ATRNL1: variants seen among roughly 807,000 people sequenced by gnomAD.
ATRNL1 encodes the protein attractin-like protein 1.
In ATRNL1, 95 loss-of-function variants were observed where a neutral mutation model predicts 182.7. That is an observed-to-expected ratio of 0.52 (90% CI 0.44 to 0.62). The LOEUF (loss-of-function observed/expected upper bound fraction) is 0.62. ATRNL1 is among the 20% of genes least tolerant of loss of function. The pLI is 0.00. For missense variants in ATRNL1, 1,471 were observed against 1,679.5 expected, an observed-to-expected ratio of 0.88 and a Z score of 2.17; for synonymous variants, 576 against 568.3, an observed-to-expected ratio of 1.01 and a Z score of -0.19.
intron 27 of ATRNL1, among the ~76,000 whole-genome samples, chr10:115,791,478 T>A (rs1358383964): frequency 6.6e-6 from 1 of 152,188 alleles, no homozygotes; most frequent in African/African-American, 2.4e-5. Context: ...AACCACTGTT[T>A]CAACTTTTAT....
intron 27 of ATRNL1, among the ~76,000 whole-genome samples, chr10:115,765,253 C>T (rs1948829193): frequency 6.6e-6 from 1 of 152,148 alleles, no homozygotes; most frequent in Admixed American, 6.5e-5. Context: ...AACTGCCTTC[C>T]AAAATGACTT....
chr10:115,351,774 T>TTTTGTTTGA (rs1554941438), intron 19 of ATRNL1, among the ~76,000 whole-genome samples: 10 of 43,262 alleles, frequency 2.3e-4, no homozygotes, highest in African/African-American at 5.6e-4. Flanking sequence ...GTTTTGTTTG[T>TTTTGTTTGA]GTTTTTGTTT....
intron 19 of ATRNL1, among the ~76,000 whole-genome samples, chr10:115,384,853 CTTTT>C (rs566812367): frequency 2.1e-5 from 3 of 143,920 alleles, no homozygotes; most frequent in Non-Finnish European, 3.1e-5. Flanking sequence ...TTTAATTTCT[CTTTT>C]TTTTTTTGCT....
intron 22 of ATRNL1, among the ~76,000 whole-genome samples, chr10:115,463,085 A>T (rs544037864): frequency 2.6e-5 from 4 of 151,856 alleles, no homozygotes; most frequent in Non-Finnish European, 5.9e-5. Flanking sequence ...AATCCATATC[A>T]TATATTTAAT....
chr10:115,256,923 C>T (rs1309456852), intron 10 of ATRNL1, among the ~76,000 whole-genome samples: 2 of 152,102 alleles, frequency 1.3e-5, no homozygotes, highest in Non-Finnish European at 2.9e-5. Context: ...GTTCAGTTTC[C>T]ATATAGTTGT....
At chr10:115,516,149 G>A (rs1248962959) in intron 24 of ATRNL1, among the ~76,000 whole-genome samples, 4 of 151,648 alleles carry the variant, frequency 2.6e-5, no homozygotes, top group African/African-American at 9.7e-5. Flanking sequence ...CATTTAATAG[G>A]TATTTCACAT....
chr10:115,247,768 C>T (rs929504689), intron 10 of ATRNL1, among the ~76,000 whole-genome samples: 10 of 152,114 alleles, frequency 6.6e-5, no homozygotes, highest in African/African-American at 2.2e-4. Flanking sequence ...TATGGAACCA[C>T]CTAGGTTTCC....
chr10:115,527,579 A>G (rs1217579124), intron 25 of ATRNL1, among the ~76,000 whole-genome samples: 1 of 152,114 alleles, frequency 6.6e-6, no homozygotes, highest in Non-Finnish European at 1.5e-5. Context: ...AATTTGACTA[A>G]GTTTCAGTAA....
Position 115,625,059 on chromosome 10 carries a change from G to A in ATRNL1, c.3795+75523G>A, listed in dbSNP as rs142652031. Among the ~76,000 whole-genome samples the A allele has an allele frequency of 2.8e-4, 43 of 152,262 alleles. 1 individual carries two copies. The highest frequency in any genetic ancestry group is 9.4e-4 in the African/African-American group (39 of 41,568). On this transcript the variant is annotated intron_variant, in intron 26 of 28. Coordinates refer to ENST00000355044, the MANE Select transcript of ATRNL1 (RefSeq NM_207303.4). ...TGGAAGGGAGGTTGCGAAACAAGCAGTGTAGACTGGCAGAAACAAAAATTA... is the reference window on the plus strand; with the variant it reads ...TGGAAGGGAGGTTGCGAAACAAGCAATGTAGACTGGCAGAAACAAAAATTA...
intron 8 of ATRNL1, among the ~76,000 whole-genome samples, chr10:115,202,924 T>C (rs1209642863): frequency 6.6e-6 from 1 of 151,010 alleles, no homozygotes; most frequent in Non-Finnish European, 1.5e-5. Flanking sequence ...GTTATTGGTC[T>C]ATTCAGAGAT....
At chr10:115,591,064 G>A (rs531967901) in intron 26 of ATRNL1, among the ~76,000 whole-genome samples, 1 of 152,200 alleles carries the variant, frequency 6.6e-6, no homozygotes, top group Admixed American at 6.5e-5. Context: ...AAGGTTCTAG[G>A]TACCACTGTA....
intron 28 of ATRNL1, among the ~76,000 whole-genome samples, chr10:115,918,441 AG>A (rs1952945277): frequency 6.6e-6 from 1 of 152,220 alleles, no homozygotes; most frequent in African/African-American, 2.4e-5. Flanking sequence ...GTAGTTGTAC[AG>A]ATCTAGAAGT....
chr10:115,735,363 C>T (rs1947919006), intron 27 of ATRNL1, among the ~76,000 whole-genome samples: 1 of 152,104 alleles, frequency 6.6e-6, no homozygotes, highest in South Asian at 2.1e-4. Flanking sequence ...ACATTGTGTT[C>T]ACGTGAAAAT....
intron 1 of ATRNL1, among the ~76,000 whole-genome samples, chr10:115,108,626 G>A (rs1193831352): frequency 6.6e-6 from 1 of 152,124 alleles, no homozygotes; most frequent in Non-Finnish European, 1.5e-5. Context: ...GCATCATCTT[G>A]TCTGCTCCTT....
At chr10:115,518,624 G>A (rs1850756382) in intron 24 of ATRNL1, among the ~76,000 whole-genome samples, 1 of 151,584 alleles carries the variant, frequency 6.6e-6, no homozygotes, top group South Asian at 2.1e-4. Flanking sequence ...AAATATACAG[G>A]GCTAGTAATT....
chr10:115,241,549 A>G lies in ATRNL1; in HGVS notation c.1533-22A>G, dbSNP rs781910320. Reference sequence around the variant, plus strand: ...GAGGTCATTTTATCCTTTGTAATACATTTTTAAATTTTATTCTGTAGGACT... The same window carrying G: ...GAGGTCATTTTATCCTTTGTAATACGTTTTTAAATTTTATTCTGTAGGACT... On this transcript the variant is annotated intron_variant, in intron 9 of 28. Transcript: ENST00000355044. 6.4e-6 allele frequency: 10 copies of G among 1,551,108 alleles called. 2 individuals are homozygous for G. The South Asian group carries it at 1.1e-4, about 16-fold the overall frequency.
At chr10:115,129,612 G>A in intron 5 of ATRNL1, 77 bp downstream of exon 5, 1 of 1,266,108 alleles carries the variant, frequency 7.9e-7, no homozygotes, top group Non-Finnish European at 1.1e-6. Context: ...CCACACGTTT[G>A]TTTCGTTATA....
intron 28 of ATRNL1, among the ~76,000 whole-genome samples, chr10:115,905,831 C>T (rs1589673259): frequency 6.6e-6 from 1 of 152,150 alleles, no homozygotes; most frequent in Admixed American, 6.5e-5. Flanking sequence ...CCATGCCTAA[C>T]ATAAAGGAGG....
chr10:115,131,582 T>C (rs566442762), intron 5 of ATRNL1, among the ~76,000 whole-genome samples: 1 of 152,196 alleles, frequency 6.6e-6, no homozygotes, highest in East Asian at 1.9e-4. Context: ...TGGGAAGGAA[T>C]CAGTGAGGTA....
Sources: gnomAD v4.1 joint callset for allele counts (sites outside exome capture counted in the v4.1 genomes callset) on GRCh38, gnomAD v4.1.1 for gene constraint, MANE v1.5 for transcripts, NCBI Gene and HGNC (gene_info 2026-07-23, HGNC 2026-07-21) for gene names.